The following SNX22 variants were observed in gnomAD, a reference collection of about 807,000 sequenced individuals.
The protein encoded by SNX22 is sorting nexin-22.
SNX22 carries 23 observed loss-of-function variants against 24.7 expected under a neutral mutation model. The observed-to-expected ratio is 0.93, with a 90% CI of 0.67 to 1.32. The LOEUF (loss-of-function observed/expected upper bound fraction) is 1.32. SNX22 is among the 40% of genes most tolerant of loss of function. The pLI is 0.00. For missense variants in SNX22, 261 were observed against 249.9 expected (o/e 1.04, Z -0.30); for synonymous variants, 99 against 104.0 (o/e 0.95, Z 0.29).
At position 64,152,326 on chromosome 15, in the gene SNX22, G is replaced by C; in HGVS notation, c.159G>C (p.Arg53=). 1 of 1,513,594 alleles carries C rather than the reference G, an allele frequency of 6.6e-7. No homozygotes were observed. The highest frequency in any genetic ancestry group is 8.8e-7 in the Non-Finnish European group (1 of 1,138,042). The allele number at this position is 1,513,594 out of a possible 1,614,324, so 93.8% of individuals were successfully genotyped here. ...GCGAGTTCCACGCGCTGCACAAGCG[G>C]GTGAGGCGGCGCCGACCTCCCACCG... ...RYSEFHALHK[R]IKKLYKVPDF... Residue 53 remains arginine, a splice_region_variant and synonymous_variant, in exon 2 of 7, where the codon CGG becomes CGC. Transcript: ENST00000325881.
intron 4 of SNX22, 45 bp from the exon 5 acceptor site, chr15:64,153,607 C>G (rs374918310): frequency 6.2e-7 from 1 of 1,612,906 alleles, no homozygotes; most frequent in Non-Finnish European, 8.5e-7. Context: ...TCCTCACGCT[C>G]CCCCGGCATC....
intron 5 of SNX22, 52 bp downstream of exon 5, chr15:64,153,736 T>C (rs2081504397): frequency 6.2e-7 from 1 of 1,612,160 alleles, no homozygotes. Context: ...CTAGTGGCCA[T>C]ATGCTAGGAG....
At chr15:64,154,177 C>T (rs1249460697) in intron 6 of SNX22, 175 bp downstream of exon 6, 1 of 1,574,004 alleles carries the variant, frequency 6.4e-7, no homozygotes, top group African/African-American at 1.4e-5. Context: ...GTTTGGCTTC[C>T]CTGGTCTCCA....
Position 64,156,647 on chromosome 15 carries a change from A to G in SNX22, c.*2139A>G. ...GTCCTTTTGGGAAAGGGATGGACAC[A>G]TGGAGCTCCTGCCCTGGGGTCTGTG... On this transcript the variant is annotated 3_prime_UTR_variant, in exon 7 of 7. Transcript: ENST00000325881. This position sits in a 1 kb window ranked among gnomAD's most constrained non-coding sequence, Gnocchi z 6.4. The G allele has an allele frequency of 6.4e-7, 1 of 1,556,562 alleles. No homozygotes were observed. Among genetic ancestry groups the G allele is most frequent in the Admixed American group, 1.7e-5 (1 of 59,948 alleles).
rs763192988 is a variant in SNX22, at chr15:64,154,572, A to G, written c.*64A>G. Reference sequence around the variant, plus strand: ...TGTGCCTCTGTCCTATGAACTCCATATAAGGCTGGGTCCTCCTTTGGCCTG... The same window carrying G: ...TGTGCCTCTGTCCTATGAACTCCATGTAAGGCTGGGTCCTCCTTTGGCCTG... On this transcript the variant is annotated 3_prime_UTR_variant, in exon 7 of 7. Coordinates refer to ENST00000325881, the MANE Select transcript of SNX22 (RefSeq NM_024798.3). The G allele has an allele frequency of 3.8e-5, 61 of 1,585,840 alleles. No homozygotes were observed. Among genetic ancestry groups the G allele is most frequent in the Non-Finnish European group, 4.9e-5 (57 of 1,162,638 alleles).
At chr15:64,153,471 T>G in intron 4 of SNX22, 132 bp downstream of exon 4, 1 of 1,473,548 alleles carries the variant, frequency 6.8e-7, no homozygotes, top group East Asian at 2.5e-5. Flanking sequence ...TCTCTTGACC[T>G]GGGTGGAGGG....
rs2081513872 is a variant in SNX22, at chr15:64,154,722, A to G, written c.*214A>G. On this transcript the variant is annotated 3_prime_UTR_variant, in exon 7 of 7. Transcript: ENST00000325881. ...GCTCTTAGAGCCCAACAGCCAAGGC[A>G]GGGTCAAGAAGATAAGTAATAAAAG... The G allele has an allele frequency of 1.9e-6, 1 of 516,336 alleles. No homozygotes were observed. The highest frequency in any genetic ancestry group is 3.3e-6 in the Non-Finnish European group (1 of 299,544). 32.0% of individuals were successfully genotyped at this position (516,336 alleles called of 1,614,324 possible).
chr15:64,153,450 C>G (rs1247036216), intron 4 of SNX22, 111 bp downstream of exon 4: 6 of 1,553,830 alleles, frequency 3.9e-6, no homozygotes, highest in African/African-American at 2.7e-5. Context: ...AGCATGACCG[C>G]CCTCACCAGC....
Position 64,157,222 on chromosome 15 carries a change from C to G in SNX22, c.*2714C>G. On this transcript the variant is annotated 3_prime_UTR_variant, in exon 7 of 7. Transcript: ENST00000325881. This position sits in a 1 kb window ranked among gnomAD's most constrained non-coding sequence, Gnocchi z 4.2. The stretch of plus-strand genomic sequence containing the variant: ...CCCCTTAGCTATGGCCCAGGCCTGC[C>G]ACGGAGGGACTTTGGTGGAGGGAAG... The G allele has an allele frequency of 2.5e-6, 1 of 404,494 alleles. No individual in the cohort carries two copies. Among genetic ancestry groups the G allele is most frequent in the Non-Finnish European group, 4.6e-6 (1 of 218,066 alleles). The allele number at this position is 404,494 out of a possible 1,614,324, so 25.1% of individuals were successfully genotyped here. A position where few individuals can be genotyped will look rare whatever the true frequency, so the allele number is the denominator to read the frequency against.
Position 64,156,185 on chromosome 15 carries a change from A to G in SNX22, c.*1677A>G, listed in dbSNP as rs1455636670. The stretch of plus-strand genomic sequence containing the variant: ...TGGAAGCAGGAGGGCATGGTGGATC[A>G]GGAGGTCCACCGCTCAGGAGAAAGG... On this transcript the variant is annotated 3_prime_UTR_variant, in exon 7 of 7. Transcript: ENST00000325881. This position sits in a 1 kb window ranked among gnomAD's most constrained non-coding sequence, Gnocchi z 6.4. 1 of 1,612,692 alleles carries G rather than the reference A, an allele frequency of 6.2e-7. No individual in the cohort carries two copies. Among genetic ancestry groups the G allele is most frequent in the African/African-American group, 1.3e-5 (1 of 75,036 alleles).
Position 64,157,185 on chromosome 15 carries a change from A to ATG in SNX22, c.*2679_*2680dup. On this transcript the variant is annotated 3_prime_UTR_variant, in exon 7 of 7. Coordinates refer to ENST00000325881, the MANE Select transcript of SNX22 (RefSeq NM_024798.3). This position sits in a 1 kb window ranked among gnomAD's most constrained non-coding sequence, Gnocchi z 4.2. ...GTTTTGTGGCTTTTAAATAAGGCGC[A>ATG]TGTTATCAGCTCCCCTTAGCTATGG... is the stretch of plus-strand genomic sequence containing the variant. 1 of 510,626 alleles carries ATG rather than the reference A, an allele frequency of 2.0e-6. No homozygotes were observed. Among genetic ancestry groups the ATG allele is most frequent in the Non-Finnish European group, 3.5e-6 (1 of 281,978 alleles). The allele number at this position is 510,626 out of a possible 1,614,324, so 31.6% of individuals were successfully genotyped here.
rs762334875 is a variant in SNX22, at chr15:64,154,144, C to T, written c.460+142C>T. 6 of 1,592,062 alleles carry T rather than the reference C, an allele frequency of 3.8e-6. No individual in the cohort carries two copies. The African/African-American group carries it at 8.1e-5, about 21-fold the overall frequency. On this transcript the variant is annotated intron_variant, in intron 6 of 6. Transcript: ENST00000325881. ...TCCTGCTCCTGTCCCCTGGAGCCTGCTTTGTAGACACAAGGAAAACAAGTT... is the reference window on the plus strand; with the variant it reads ...TCCTGCTCCTGTCCCCTGGAGCCTGTTTTGTAGACACAAGGAAAACAAGTT...
In SNX22 at chr15:64,155,570, C is replaced by T. The variant is rs2081522717; in HGVS notation, c.*1062C>T. On this transcript the variant is annotated 3_prime_UTR_variant, in exon 7 of 7. Coordinates refer to ENST00000325881, the MANE Select transcript of SNX22 (RefSeq NM_024798.3). Reference sequence around the variant, plus strand: ...GGTAGGCTATGAAAAAGTACAGATACATCCCTTAACATAGACTGGAGGGTG... The same window carrying T: ...GGTAGGCTATGAAAAAGTACAGATATATCCCTTAACATAGACTGGAGGGTG... The T allele has an allele frequency of 1.1e-5, 2 of 184,766 alleles. No individual in the cohort carries two copies. The highest frequency in any genetic ancestry group is 2.2e-5 in the Non-Finnish European group (2 of 89,922). 11.4% of individuals were successfully genotyped at this position (184,766 alleles called of 1,614,324 possible). A position where few individuals can be genotyped will look rare whatever the true frequency, so the allele number is the denominator to read the frequency against.
chr15:64,151,957 G>A, intron 1 of SNX22, 107 bp downstream of exon 1: 1 of 1,141,630 alleles, frequency 8.8e-7, no homozygotes, highest in East Asian at 3.0e-5. Context: ...AGCGCTGCGG[G>A]CTGGACCGTC....
chr15:64,155,833 A>AAC lies in SNX22; in HGVS notation c.*1325_*1326insAC. 1.6e-5 allele frequency: 13 copies of AAC among 792,736 alleles called. No homozygotes were observed. Among genetic ancestry groups the AAC allele is most frequent in the South Asian group, 5.1e-5 (3 of 58,922 alleles). The allele number at this position is 792,736 out of a possible 1,614,324, so 49.1% of individuals were successfully genotyped here. Reference sequence around the variant, plus strand: ...CACATTATATATTAAAAAAAAAAAAACCCACATTTTTTTTTATTGGTCAGT... The same window carrying AAC: ...CACATTATATATTAAAAAAAAAAAAAACCCCACATTTTTTTTTATTGGTCAGT... On this transcript the variant is annotated 3_prime_UTR_variant, in exon 7 of 7. Transcript: ENST00000325881.
chr15:64,157,044 C>T lies in SNX22; in HGVS notation c.*2536C>T. The T allele has an allele frequency of 1.1e-6, 1 of 942,454 alleles. No individual in the cohort carries two copies. Among genetic ancestry groups the T allele is most frequent in the Non-Finnish European group, 1.6e-6 (1 of 636,874 alleles). The allele number at this position is 942,454 out of a possible 1,614,324, so 58.4% of individuals were successfully genotyped here. A position where few individuals can be genotyped will look rare whatever the true frequency, so the allele number is the denominator to read the frequency against. Reference sequence around the variant, plus strand: ...GGAGTGGACTACAAGGACATAAAAGCAGCGTCCTTCCTATCTTCTGGCCTC... The same window carrying T: ...GGAGTGGACTACAAGGACATAAAAGTAGCGTCCTTCCTATCTTCTGGCCTC... On this transcript the variant is annotated 3_prime_UTR_variant, in exon 7 of 7. Transcript: ENST00000325881. The surrounding 1 kb of genome is among the most constrained non-coding windows in gnomAD (Gnocchi z 4.2).
intron 6 of SNX22, 72 bp from the exon 7 acceptor site, chr15:64,154,315 G>A: frequency 6.2e-7 from 1 of 1,600,698 alleles, no homozygotes; most frequent in African/African-American, 1.3e-5. Flanking sequence ...TCCCAAGTGG[G>A]GGCTGAGCCC....
At chr15:64,151,902 C>G in intron 1 of SNX22, 52 bp downstream of exon 1, 1 of 1,487,370 alleles carries the variant, frequency 6.7e-7, no homozygotes, top group Non-Finnish European at 9.0e-7. Flanking sequence ...AGGATTTCCC[C>G]GCGCTGCGCT....
chr15:64,156,009 G>T lies in SNX22; in HGVS notation c.*1501G>T, dbSNP rs201974607. 782 of 1,614,020 alleles carry T rather than the reference G, an allele frequency of 4.8e-4. No homozygotes were observed. The highest frequency in any genetic ancestry group is 5.4e-4 in the Non-Finnish European group (643 of 1,180,018). On this transcript the variant is annotated 3_prime_UTR_variant, in exon 7 of 7. Transcript: ENST00000325881. This position sits in a 1 kb window ranked among gnomAD's most constrained non-coding sequence, Gnocchi z 6.4. ...CTGCACAGACGGTCACTCAAAGAAAGATGTCCCTGTGCCCTACTCCTTGGC... is the reference window on the plus strand; with the variant it reads ...CTGCACAGACGGTCACTCAAAGAAATATGTCCCTGTGCCCTACTCCTTGGC...
Sources: gnomAD v4.1 joint callset for allele counts on GRCh38, gnomAD v4.1.1 for gene constraint, Gnocchi (gnomAD v3.1) non-coding constraint, MANE v1.5 for transcripts, NCBI Gene and HGNC (gene_info 2026-07-23, HGNC 2026-07-21) for gene names.